ATAD3B: variants seen among roughly 807,000 people sequenced by gnomAD.
ATAD3B encodes the protein ATPase family AAA domain-containing protein 3B.
In ATAD3B, 59 loss-of-function variants were observed where a neutral mutation model predicts 70.2. The observed-to-expected ratio is 0.84, with a 90% CI of 0.68 to 1.04. The LOEUF is 1.04. Ranked by LOEUF, ATAD3B falls within the 50% of genes least tolerant of loss-of-function variation. The pLI is 0.00. For missense variants in ATAD3B, 961 were observed against 913.4 expected (o/e 1.05, Z -0.67); for synonymous variants, 423 against 388.6 (o/e 1.09, Z -1.04).
rs1158803150 is a variant in ATAD3B, at chr1:1,479,740, CAT to C, written c.444+634_444+635del. ...CACCTCCCACACACACCCGATCACA[CAT>C]AGGCATGCACACCCCTCTGCACACA... On this transcript the variant is annotated intron_variant, in intron 4 of 15. Coordinates refer to ENST00000673477, the MANE Select transcript of ATAD3B (RefSeq NM_031921.6). 4.8e-5 allele frequency among the ~76,000 whole-genome samples: 7 copies of C among 145,362 alleles called. 1 individual carries two copies. Among genetic ancestry groups the C allele is most frequent in the Non-Finnish European group, 1.1e-4 (7 of 66,560 alleles).
intron 11 of ATAD3B, among the ~76,000 whole-genome samples, chr1:1,487,558 A>G (rs1457848838): frequency 6.6e-6 from 1 of 151,466 alleles, no homozygotes; most frequent in Non-Finnish European, 1.5e-5. Context: ...GTGTGGGTGA[A>G]ACCTGCAGGG....
intron 10 of ATAD3B, 99 bp from the exon 11 acceptor site, chr1:1,486,445 G>A: frequency 1.9e-6 from 3 of 1,609,156 alleles, no homozygotes; most frequent in Admixed American, 1.7e-5. Flanking sequence ...CTTCCAGACA[G>A]GGACACCCGG....
At chr1:1,474,712 G>C (rs1256599281) in intron 1 of ATAD3B, among the ~76,000 whole-genome samples, 1 of 151,920 alleles carries the variant, frequency 6.6e-6, no homozygotes, top group Non-Finnish European at 1.5e-5. Context: ...ATGTTGTTTA[G>C]GCTGGTCTTG....
At chr1:1,473,174 C>G (rs373717460) in intron 1 of ATAD3B, among the ~76,000 whole-genome samples, 16 of 123,924 alleles carry the variant, frequency 1.3e-4, no homozygotes, top group Non-Finnish European at 1.9e-4. Context: ...GAGTCTCGCT[C>G]TGTCGCCCAG....
chr1:1,476,079 T>C (rs1153099), intron 1 of ATAD3B, among the ~76,000 whole-genome samples: 29,413 of 126,982 alleles, frequency 0.23, 7,568 homozygotes, highest in African/African-American at 0.67. Context: ...GCTTCCCGAG[T>C]TTAGCAGCCA....
intron 11 of ATAD3B, among the ~76,000 whole-genome samples, chr1:1,486,886 G>T (rs1030313947): frequency 1.3e-5 from 2 of 150,620 alleles, no homozygotes; most frequent in African/African-American, 5.0e-5. Flanking sequence ...CTGCCAGTGG[G>T]ATACTTGGCT....
downstream of ATAD3B, among the ~76,000 whole-genome samples, chr1:1,501,373 G>C (rs1174843104): frequency 2.6e-5 from 4 of 152,010 alleles, no homozygotes; most frequent in Non-Finnish European, 4.4e-5. Context: ...TCCTGCCTCA[G>C]CCTCCTGAGT....
chr1:1,495,408 C>A lies in ATAD3B; in HGVS notation c.1615-77C>A, dbSNP rs1448361256. On this transcript the variant is annotated intron_variant, in intron 15 of 15. Transcript: ENST00000673477. ...TGGTGCCCCTGGTTTGGCCCCTCCCCACCTCGGGGCCCTGGCGTGCATTAA... is the reference window on the plus strand; with the variant it reads ...TGGTGCCCCTGGTTTGGCCCCTCCCAACCTCGGGGCCCTGGCGTGCATTAA... 4 of 1,517,876 alleles carry A rather than the reference C, an allele frequency of 2.6e-6. No individual in the cohort carries two copies. The East Asian group carries it at 9.1e-5, about 35-fold the overall frequency. 94.0% of individuals were successfully genotyped at this position (1,517,876 alleles called of 1,614,324 possible). A position where few individuals can be genotyped will look rare whatever the true frequency, so the allele number is the denominator to read the frequency against.
intron 12 of ATAD3B, 101 bp from the exon 13 acceptor site, chr1:1,489,103 C>T (rs896895962): frequency 1.1e-5 from 17 of 1,578,290 alleles, no homozygotes; most frequent in East Asian, 6.7e-5. Flanking sequence ...AGTGTCGCCA[C>T]GTCCCTGCTC....
intron 12 of ATAD3B, 70 bp downstream of exon 12, chr1:1,487,984 A>T: frequency 6.3e-7 from 1 of 1,590,396 alleles, no homozygotes; most frequent in South Asian, 1.1e-5. Context: ...ATCCTGGGCC[A>T]GGCTGCAGCC....
In ATAD3B at chr1:1,490,602, C is replaced by A. The variant is rs772845625; in HGVS notation, c.1545C>A (p.Cys515Ter). Residue 515 changes from cysteine to a stop codon, truncating the protein, a stop_gained, in exon 15 of 16, where the codon TGC (cysteine) becomes TGA (stop). Transcript: ENST00000673477. LOFTEE classifies it high-confidence loss of function. ...KLAQFDYGRK[C>*]SEVARLTEGM... The stretch of plus-strand genomic sequence containing the variant: ...CCCAGTTTGACTACGGGAGGAAGTG[C>A]TCGGAGGTCGCTCGGCTGACGGAGG... 2.5e-6 allele frequency: 4 copies of A among 1,609,280 alleles called. No homozygotes were observed. Among genetic ancestry groups the A allele is most frequent in the Admixed American group, 1.7e-5 (1 of 59,066 alleles).
In ATAD3B at chr1:1,487,794, C is replaced by T. The variant is rs375185569; in HGVS notation, c.1215-69C>T. On this transcript the variant is annotated intron_variant, in intron 11 of 15. Coordinates refer to ENST00000673477, the MANE Select transcript of ATAD3B (RefSeq NM_031921.6). Reference sequence around the variant, plus strand: ...CTGCCTGCCTGGCCTGCTCCTGCCGCGGCCGGACGCTGCTGTGGGCTGCTC... The same window carrying T: ...CTGCCTGCCTGGCCTGCTCCTGCCGTGGCCGGACGCTGCTGTGGGCTGCTC... 48 of 1,581,120 alleles carry T rather than the reference C, an allele frequency of 3.0e-5. 1 individual carries two copies. The African/African-American group carries it at 5.1e-4, about 17-fold the overall frequency.
the ATAD3B span, chr1:1,509,257 C>G: frequency 1.9e-6 from 3 of 1,612,990 alleles, no homozygotes; most frequent in Admixed American, 1.7e-5. Flanking sequence ...ATGATGGACA[C>G]CCGCGTGCAA....
In ATAD3B at chr1:1,495,476, C is replaced by G. The variant is rs375493478; in HGVS notation, c.1615-9C>G. 24 of 1,593,482 alleles carry G rather than the reference C, an allele frequency of 1.5e-5. No individual in the cohort carries two copies. Among genetic ancestry groups the G allele is most frequent in the Non-Finnish European group, 2.1e-5 (24 of 1,166,452 alleles). ...AGCGGCCTCCCTCAGCTCCCTCTCT[C>G]TTCACTAGGCCACGGCATATGCCTC... On this transcript the variant is annotated splice_polypyrimidine_tract_variant and intron_variant, in intron 15 of 15. Coordinates refer to ENST00000673477, the MANE Select transcript of ATAD3B (RefSeq NM_031921.6).
the ATAD3B span, among the ~76,000 whole-genome samples, chr1:1,505,421 T>G: frequency 6.6e-6 from 1 of 152,202 alleles, no homozygotes; most frequent in Non-Finnish European, 1.5e-5. Context: ...AAGCACAGCA[T>G]CACAGGGAGA....
In ATAD3B at chr1:1,489,248, G is replaced by T; in HGVS notation, c.1311G>T (p.Leu437=). The stretch of plus-strand genomic sequence containing the variant: ...TCAGAGCCACACTGAACGCCTTCCT[G>T]TACCACATGGGCCAACACAGCAACA... ...KDLRATLNAF[L]YHMGQHSNKF... is the part of the protein sequence containing the mutation. Residue 437 remains leucine (L), a synonymous_variant, in exon 13 of 16, where the codon CTG becomes CTT. Coordinates refer to ENST00000673477, the MANE Select transcript of ATAD3B (RefSeq NM_031921.6). 6.2e-7 allele frequency: 1 copy of T among 1,613,560 alleles called. No homozygotes were observed. Among genetic ancestry groups the T allele is most frequent in the Non-Finnish European group, 8.5e-7 (1 of 1,179,642 alleles).
intron 15 of ATAD3B, among the ~76,000 whole-genome samples, chr1:1,494,146 G>A (rs1377761109): frequency 2.0e-5 from 3 of 151,568 alleles, no homozygotes; most frequent in African/African-American, 4.9e-5. Context: ...TGAACATCAT[G>A]TGTCACTGTT....
chr1:1,489,168 C>T (rs1640392290), intron 12 of ATAD3B, 36 bp from the exon 13 acceptor site: 1 of 1,612,668 alleles, frequency 6.2e-7, no homozygotes, highest in African/African-American at 1.3e-5. Context: ...CAAGGCTTTG[C>T]TTCTGGTGCC....
Position 1,482,595 on chromosome 1 carries a change from G to A in ATAD3B, c.731G>A (p.Arg244Gln), listed in dbSNP as rs1314287591. ...GGATTCCGTGCCTTTGTGACAGACCGGGACAAAGTGACAGCCACGGTAAAC... is the reference window on the plus strand; with the variant it reads ...GGATTCCGTGCCTTTGTGACAGACCAGGACAAAGTGACAGCCACGGTAAAC... ...GEGFRAFVTD[R>Q]DKVTATVAGL... Residue 244 changes from arginine (R) to glutamine (Q), a missense_variant, in exon 7 of 16, where the codon CGG becomes CAG. Arg to Gln is a conservative substitution (Grantham distance 43, BLOSUM62 1). This residue lies in a region of ATAD3B where 349 missense variants were observed against 307.5 expected (regional missense o/e 1.14). Coordinates refer to ENST00000673477, the MANE Select transcript of ATAD3B (RefSeq NM_031921.6). 36 of 1,613,224 alleles carry A rather than the reference G, an allele frequency of 2.2e-5. No homozygotes were observed. The highest frequency in any genetic ancestry group is 1.6e-4 in the East Asian group (7 of 44,888).
Sources: gnomAD v4.1 joint callset for allele counts (sites outside exome capture counted in the v4.1 genomes callset) on GRCh38, gnomAD v4.1.1 for gene constraint, gnomAD v4.1.1 regional missense constraint, MANE v1.5 for transcripts, NCBI Gene and HGNC (gene_info 2026-07-23, HGNC 2026-07-21) for gene names.